RRP15: variants seen among roughly 807,000 people sequenced by gnomAD.
RRP15 encodes the protein RRP15-like protein.
Under a neutral mutation model 27.1 loss-of-function variants are expected in RRP15, and 18 were observed. That is an observed-to-expected ratio of 0.66 (90% CI 0.46 to 0.98). The LOEUF is 0.98. Ranked by LOEUF, RRP15 falls within the 50% of genes least tolerant of loss-of-function variation. RRP15 has a pLI of 0.00. For missense variants in RRP15, 359 were observed against 337.8 expected (o/e 1.06, Z -0.49); for synonymous variants, 107 against 109.4 (o/e 0.98, Z 0.14).
intron 4 of RRP15, among the ~76,000 whole-genome samples, chr1:218,313,476 A>G (rs1214556982): frequency 6.6e-6 from 1 of 152,218 alleles, no homozygotes; most frequent in Non-Finnish European, 1.5e-5. Flanking sequence ...GCTTTCACCA[A>G]AATAGAGAAT....
At chr1:218,329,287 G>A (rs1656328326) in intron 4 of RRP15, among the ~76,000 whole-genome samples, 1 of 149,474 alleles carries the variant, frequency 6.7e-6, no homozygotes, top group Non-Finnish European at 1.5e-5. Flanking sequence ...AGGCATGATG[G>A]TGTGCACCTG....
chr1:218,307,458 T>A lies in RRP15; in HGVS notation c.531T>A (p.Val177=). 6.2e-7 allele frequency: 1 copy of A among 1,613,928 alleles called. No homozygotes were observed. The highest frequency in any genetic ancestry group is 8.5e-7 in the Non-Finnish European group (1 of 1,179,900). The change falls in exon 4 of 5, where the codon GTT becomes GTA. Residue 177 remains valine (V), a synonymous_variant. Transcript: ENST00000366932. ...TRGVVQLFNA[V]QKHQKNVDEK... is the part of the protein sequence containing the mutation. ...GTGTGGTGCAATTATTTAATGCTGT[T>A]CAGAAACATCAAAAGAATGTTGATG...
At chr1:218,310,081 T>C (rs1369740701) in intron 4 of RRP15, among the ~76,000 whole-genome samples, 2 of 152,214 alleles carry the variant, frequency 1.3e-5, no homozygotes, top group Admixed American at 1.3e-4. Flanking sequence ...AAATGAATCA[T>C]TGATGAGCTA....
At chr1:218,295,043 C>T (rs1232655118) in intron 1 of RRP15, among the ~76,000 whole-genome samples, 4 of 152,192 alleles carry the variant, frequency 2.6e-5, no homozygotes, top group Non-Finnish European at 5.9e-5. Flanking sequence ...AATTTATTGA[C>T]TTGATACCTT....
intron 4 of RRP15, among the ~76,000 whole-genome samples, chr1:218,314,353 A>G (rs554657283): frequency 6.6e-6 from 1 of 152,288 alleles, no homozygotes; most frequent in African/African-American, 2.4e-5. Flanking sequence ...GATTTTATTA[A>G]TGTAGAGGCA....
In RRP15 at chr1:218,334,621, G is replaced by C. The variant is rs1288870318; in HGVS notation, c.*3530G>C. On this transcript the variant is annotated 3_prime_UTR_variant, in exon 5 of 5. Transcript: ENST00000366932. ...TTATTTGGAAACATTTTTTCCAGTT[G>C]ACCAAAGCAGAATTCATTCTGTTCT... The C allele has an allele frequency of 6.6e-6, 1 of 152,110 alleles. No homozygotes were observed. The highest frequency in any genetic ancestry group is 1.9e-4 in the East Asian group (1 of 5,196). The allele number at this position is 152,110 out of a possible 1,614,324, so 9.4% of individuals were successfully genotyped here.
chr1:218,318,945 AC>A (rs1266106160), intron 4 of RRP15, among the ~76,000 whole-genome samples: 2 of 152,090 alleles, frequency 1.3e-5, no homozygotes, highest in African/African-American at 4.8e-5. Flanking sequence ...TTATTAGCTG[AC>A]ACTTTTCAAG....
chr1:218,313,708 A>G (rs1440543443), intron 4 of RRP15, among the ~76,000 whole-genome samples: 3 of 152,188 alleles, frequency 2.0e-5, no homozygotes, highest in East Asian at 1.9e-4. Flanking sequence ...TGAGTCCTGT[A>G]TGTCTTAGTA....
Position 218,335,082 on chromosome 1 carries a change from A to G in RRP15, c.*3991A>G, listed in dbSNP as rs1210414641. On this transcript the variant is annotated 3_prime_UTR_variant, in exon 5 of 5. Coordinates refer to ENST00000366932, the MANE Select transcript of RRP15 (RefSeq NM_016052.4). ...AAATGCTAAGTTAGAATGAATAATC[A>G]TAATTATATAGATGGAAGATATATT... 1 of 152,204 alleles carries G rather than the reference A, an allele frequency of 6.6e-6. No homozygotes were observed. Among genetic ancestry groups the G allele is most frequent in the Admixed American group, 6.5e-5 (1 of 15,278 alleles). The allele number at this position is 152,204 out of a possible 1,614,324, so 9.4% of individuals were successfully genotyped here. A position where few individuals can be genotyped will look rare whatever the true frequency, so the allele number is the denominator to read the frequency against.
At chr1:218,304,942 C>T (rs1655873410) in intron 2 of RRP15, 86 bp from the exon 3 acceptor site, 2 of 1,215,730 alleles carry the variant, frequency 1.6e-6, no homozygotes, top group Non-Finnish European at 1.2e-6. Flanking sequence ...TTATTACCTT[C>T]ACCCTTTCAC....
chr1:218,311,515 C>T (rs1371881995), intron 4 of RRP15, among the ~76,000 whole-genome samples: 1 of 152,074 alleles, frequency 6.6e-6, no homozygotes, highest in Non-Finnish European at 1.5e-5. Flanking sequence ...CTTCCATACT[C>T]TTCAAAAGAA....
chr1:218,307,860 A>C (rs1390527735), intron 4 of RRP15, among the ~76,000 whole-genome samples: 1 of 152,076 alleles, frequency 6.6e-6, no homozygotes, highest in African/African-American at 2.4e-5. Context: ...CCACAGCTTT[A>C]ATTTCAGACT....
At chr1:218,328,874 A>G (rs980967386) in intron 4 of RRP15, among the ~76,000 whole-genome samples, 2 of 152,030 alleles carry the variant, frequency 1.3e-5, no homozygotes, top group Admixed American at 6.6e-5. Flanking sequence ...TTGATGGCAT[A>G]TTGGGTGTAC....
intron 2 of RRP15, 177 bp downstream of exon 2, chr1:218,302,736 G>A (rs1207913028): frequency 1.0e-6 from 1 of 960,426 alleles, no homozygotes. Flanking sequence ...ATTCCATTGA[G>A]CATGTTCACT....
chr1:218,322,104 C>T (rs1188406266), intron 4 of RRP15, among the ~76,000 whole-genome samples: 1 of 152,010 alleles, frequency 6.6e-6, no homozygotes, highest in East Asian at 1.9e-4. Context: ...GTATTGTGTT[C>T]ATATCATCAG....
In RRP15 at chr1:218,305,101, G is replaced by A; in HGVS notation, c.479G>A (p.Arg160Lys). ...GTTGTCCAAGACAAAGAGACAGAGA[G>A]AAATCTTCAGAGAATTGCAACAAGG... is the stretch of plus-strand genomic sequence containing the variant. ...PDVVQDKETE[R>K]NLQRIATRGV... Residue 160 changes from arginine (R) to lysine (K), a missense_variant, in exon 3 of 5, where the codon AGA (arginine) becomes AAA (lysine). Transcript: ENST00000366932. 6.2e-7 allele frequency: 1 copy of A among 1,613,582 alleles called. No individual in the cohort carries two copies. Among genetic ancestry groups the A allele is most frequent in the Non-Finnish European group, 8.5e-7 (1 of 1,179,604 alleles).
chr1:218,334,337 G>C lies in RRP15; in HGVS notation c.*3246G>C, dbSNP rs1033617023. 6.6e-6 allele frequency: 1 copy of C among 152,194 alleles called. No individual in the cohort carries two copies. Among genetic ancestry groups the C allele is most frequent in the African/African-American group, 2.4e-5 (1 of 41,456 alleles). 9.4% of individuals were successfully genotyped at this position (152,194 alleles called of 1,614,324 possible). A position where few individuals can be genotyped will look rare whatever the true frequency, so the allele number is the denominator to read the frequency against. On this transcript the variant is annotated 3_prime_UTR_variant, in exon 5 of 5. Transcript: ENST00000366932. ...CTTAGAGCCTAAAGTCACTCAGTAG[G>C]AGGTTCTCAAAGGTCTATTTGAAGG... is the stretch of plus-strand genomic sequence containing the variant.
At chr1:218,287,757 T>C (rs28453128) in intron 1 of RRP15, among the ~76,000 whole-genome samples, 1 of 152,236 alleles carries the variant, frequency 6.6e-6, no homozygotes, top group African/African-American at 2.4e-5. Flanking sequence ...AACATATCTC[T>C]CTCCTTATAG....
rs1656382057 is a variant in RRP15 at position 218,332,155 on chromosome 1, CTCT to C, written c.*1069_*1071del. The stretch of plus-strand genomic sequence containing the variant: ...GCAAGTTTGACATGCTTTAGTCTCT[CTCT>C]TCTTTTTTTTCCTCCCAAATATTTG... On this transcript the variant is annotated 3_prime_UTR_variant, in exon 5 of 5. Coordinates refer to ENST00000366932, the MANE Select transcript of RRP15 (RefSeq NM_016052.4). 1 of 152,130 alleles carries C rather than the reference CTCT, an allele frequency of 6.6e-6. No homozygotes were observed. Among genetic ancestry groups the C allele is most frequent in the Non-Finnish European group, 1.5e-5 (1 of 68,020 alleles). The allele number at this position is 152,130 out of a possible 1,614,324, so 9.4% of individuals were successfully genotyped here. A position where few individuals can be genotyped will look rare whatever the true frequency, so the allele number is the denominator to read the frequency against.
Sources: allele counts gnomAD v4.1 joint callset (sites outside exome capture counted in the v4.1 genomes callset), GRCh38; gene constraint gnomAD v4.1.1; transcripts MANE v1.5; gene names NCBI Gene and HGNC (gene_info 2026-07-23, HGNC 2026-07-21).